The following NBEA variants were observed in gnomAD, a reference collection of about 807,000 sequenced individuals.
NBEA encodes neurobeachin, also known as lysosomal-trafficking regulator 2.
A neutral mutation model predicts 343.4 loss-of-function variants in NBEA; 44 were observed. The observed-to-expected ratio is 0.13, with a 90% CI of 0.10 to 0.16. The LOEUF is 0.16. NBEA is among the 10% of genes least tolerant of loss of function. The pLI is 1.00. For synonymous variants in NBEA, 1,175 were observed against 1,238.7 expected, an observed-to-expected ratio of 0.95 and a Z score of 1.08; for missense variants, 2,555 against 3,631.3, an observed-to-expected ratio of 0.70 and a Z score of 7.62.
At chr13:35,236,013 C>A (rs920224528) in intron 34 of NBEA, among the ~76,000 whole-genome samples, 9 of 152,150 alleles carry the variant, frequency 5.9e-5, no homozygotes, top group Non-Finnish European at 1.0e-4. Flanking sequence ...TTAATACATC[C>A]TACTTTTTAA....
At chr13:35,485,291 C>T (rs148065230) in intron 41 of NBEA, among the ~76,000 whole-genome samples, 2 of 152,082 alleles carry the variant, frequency 1.3e-5, no homozygotes, top group African/African-American at 2.4e-5. Context: ...CTGTCCTCTC[C>T]ATCTTTAACC....
intron 39 of NBEA, among the ~76,000 whole-genome samples, chr13:35,439,408 T>C (rs2045614641): frequency 6.6e-6 from 1 of 152,180 alleles, no homozygotes; most frequent in Non-Finnish European, 1.5e-5. Context: ...GTCTCAAGAC[T>C]TGATTATGAA....
intron 36 of NBEA, among the ~76,000 whole-genome samples, chr13:35,336,403 A>C (rs1201288959): frequency 6.6e-6 from 1 of 152,070 alleles, no homozygotes; most frequent in Admixed American, 6.6e-5. Flanking sequence ...AGTCAAAGAG[A>C]TATGCTTATA....
chr13:35,567,944 G>C (rs77426797), intron 45 of NBEA, among the ~76,000 whole-genome samples: 1 of 152,184 alleles, frequency 6.6e-6, no homozygotes, highest in East Asian at 1.9e-4. Flanking sequence ...AAACCTAGAC[G>C]TACCTAAGTT....
chr13:35,019,051 GT>G (rs879547494), intron 1 of NBEA, among the ~76,000 whole-genome samples: 92 of 144,102 alleles, frequency 6.4e-4, no homozygotes, highest in African/African-American at 1.0e-3. Context: ...TGTCATTTGA[GT>G]TTTTTTTTTT....
At chr13:35,243,055 A>C (rs2152779742) in intron 34 of NBEA, among the ~76,000 whole-genome samples, 1 of 152,016 alleles carries the variant, frequency 6.6e-6, no homozygotes, top group Admixed American at 6.6e-5. Flanking sequence ...AAAATCCAAA[A>C]ATGTAAAAAC....
chr13:35,401,965 T>A (rs1594493560), intron 38 of NBEA, among the ~76,000 whole-genome samples: 1 of 152,000 alleles, frequency 6.6e-6, no homozygotes, highest in East Asian at 1.9e-4. Flanking sequence ...TTATAGGTTG[T>A]GTAACCTGTG....
intron 40 of NBEA, among the ~76,000 whole-genome samples, chr13:35,456,791 T>A (rs2046603612): frequency 6.6e-6 from 1 of 152,016 alleles, no homozygotes; most frequent in Admixed American, 6.6e-5. Context: ...TTTTACATAG[T>A]GTAATTGGAA....
At chr13:35,305,688 A>G (rs2036844072) in intron 35 of NBEA, among the ~76,000 whole-genome samples, 1 of 152,168 alleles carries the variant, frequency 6.6e-6, no homozygotes, top group Non-Finnish European at 1.5e-5. Flanking sequence ...AGAGCAGAAC[A>G]CAGACAGTGG....
chr13:35,263,491 A>G (rs962159122), intron 34 of NBEA, among the ~76,000 whole-genome samples: 2 of 152,158 alleles, frequency 1.3e-5, no homozygotes, highest in African/African-American at 2.4e-5. Context: ...TTCTTCCCCA[A>G]TCCACATGGA....
In NBEA at chr13:35,118,259, G is replaced by A. The variant is rs759721617; in HGVS notation, c.2114G>A (p.Ser705Asn). 3 of 1,556,204 alleles carry A rather than the reference G, an allele frequency of 1.9e-6. No homozygotes were observed. The highest frequency in any genetic ancestry group is 8.7e-7 in the Non-Finnish European group (1 of 1,148,834). The change falls in exon 15 of 59, where the codon AGT becomes AAT. Residue 705 changes from serine to asparagine, a missense_variant. Physicochemically the swap from Ser to Asn is conservative, Grantham distance 46. Transcript: ENST00000379939. Reference sequence around the variant, plus strand: ...GGGGTCAAGGAAGATGAACTTCAGAGTATATTAAATTACCTACTTACGATG... The same window carrying A: ...GGGGTCAAGGAAGATGAACTTCAGAATATATTAAATTACCTACTTACGATG... ...DRGVKEDELQ[S>N]ILNYLLTMHE... is the part of the protein sequence containing the mutation.
intron 41 of NBEA, among the ~76,000 whole-genome samples, chr13:35,546,976 G>A (rs1275143942): frequency 6.6e-6 from 1 of 152,036 alleles, no homozygotes; most frequent in Non-Finnish European, 1.5e-5. Flanking sequence ...GAGGTGGTTT[G>A]CTATAAAAAA....
At position 35,427,936 on chromosome 13, in the gene NBEA, G is replaced by A. The variant is rs180806403; in HGVS notation, c.6180-4333G>A. On this transcript the variant is annotated intron_variant, in intron 38 of 58. Coordinates refer to ENST00000379939, the MANE Select transcript of NBEA (RefSeq NM_001385012.1). ...ATGGGCGTAGGACCCTCTGAGCCAT[G>A]TGCGGGATATAATCTCCTCGTGTGC... Among the ~76,000 whole-genome samples the A allele has an allele frequency of 3.3e-5, 5 of 152,332 alleles. No homozygotes were observed. In the East Asian group the frequency reaches 9.7e-4, roughly 29 times the overall value.
chr13:35,239,166 G>C (rs926391053), intron 34 of NBEA, among the ~76,000 whole-genome samples: 11 of 152,072 alleles, frequency 7.2e-5, no homozygotes, highest in Non-Finnish European at 1.2e-4. Context: ...TGGAAGAATA[G>C]ATAATGAAAC....
Position 35,071,715 on chromosome 13 carries a change from A to G in NBEA, c.1571+863A>G, listed in dbSNP as rs374233406. ...CTAATTTTGAATTGATGGCGAATCT[A>G]GTGAATGAAGATATGAGAAAAATTT... On this transcript the variant is annotated intron_variant, in intron 10 of 58. Transcript: ENST00000379939. 4.6e-5 allele frequency among the ~76,000 whole-genome samples: 7 copies of G among 152,166 alleles called. No individual in the cohort carries two copies. In the South Asian group the frequency reaches 6.2e-4, roughly 13 times the overall value.
chr13:35,648,958 A>G (rs1329268829), intron 51 of NBEA, among the ~76,000 whole-genome samples: 1 of 152,142 alleles, frequency 6.6e-6, no homozygotes, highest in Non-Finnish European at 1.5e-5. Context: ...GCAAACCACC[A>G]TGGCACACGT....
chr13:35,279,362 A>T (rs1024249882), intron 34 of NBEA, among the ~76,000 whole-genome samples: 1 of 152,222 alleles, frequency 6.6e-6, no homozygotes, highest in Non-Finnish European at 1.5e-5. Context: ...TTACACAGCT[A>T]GTTTGTAGAG....
At chr13:35,602,957 T>G (rs1352137688) in intron 47 of NBEA, among the ~76,000 whole-genome samples, 3 of 152,196 alleles carry the variant, frequency 2.0e-5, no homozygotes, top group Non-Finnish European at 4.4e-5. Context: ...CTTTTGCAGT[T>G]TGAGAACAAT....
chr13:35,293,349 C>T (rs912114265), intron 35 of NBEA, among the ~76,000 whole-genome samples: 10 of 151,918 alleles, frequency 6.6e-5, no homozygotes, highest in East Asian at 5.8e-4. Context: ...ATACCCAAAA[C>T]ATTTTTGACT....
Sources: gnomAD v4.1 joint callset for allele counts (sites outside exome capture counted in the v4.1 genomes callset) on GRCh38, gnomAD v4.1.1 for gene constraint, MANE v1.5 for transcripts, NCBI Gene and HGNC (gene_info 2026-07-23, HGNC 2026-07-21) for gene names.